XIRP2: variants seen among roughly 807,000 people sequenced by gnomAD.
XIRP2 encodes the protein xin actin-binding repeat-containing protein 2.
Under a neutral mutation model 277.0 loss-of-function variants are expected in XIRP2, and 236 were observed. The observed-to-expected ratio is 0.85, with a 90% CI of 0.77 to 0.95. XIRP2 has a LOEUF of 0.95. XIRP2 is among the 40% of genes least tolerant of loss of function. The probability of loss-of-function intolerance (pLI) is 0.00; values close to 1 mark genes in which losing one functional copy is unlikely to be tolerated. For synonymous variants in XIRP2, 1,490 were observed against 1,416.5 expected (o/e 1.05, Z -1.17); for missense variants, 4,640 against 4,157.5 (o/e 1.12, Z -3.19).
chr2:167,037,515 G>T (rs1015528472), intron 2 of XIRP2, among the ~76,000 whole-genome samples: 5 of 114,160 alleles, frequency 4.4e-5, no homozygotes, highest in African/African-American at 4.3e-5. Context: ...TTTTCATGTG[G>T]GGGGTGTGTG....
intron 2 of XIRP2, among the ~76,000 whole-genome samples, chr2:167,005,145 A>T (rs182476553): frequency 7.2e-4 from 110 of 152,070 alleles, no homozygotes; most frequent in African/African-American, 2.6e-3. Flanking sequence ...AACAAGTTAA[A>T]ACAAATTTCA....
At position 166,973,467 on chromosome 2, in the gene XIRP2, A is replaced by G. The variant is rs56373761; in HGVS notation, c.408+69577A>G. 3.3e-3 allele frequency among the ~76,000 whole-genome samples: 501 copies of G among 152,270 alleles called. 4 individuals are homozygous for G. Among genetic ancestry groups the G allele is most frequent in the African/African-American group, 0.011 (475 of 41,558 alleles). On this transcript the variant is annotated intron_variant, in intron 2 of 10. Transcript: ENST00000409195. ...CTATTCCCTTTTCACAGATGAGTGC[A>G]CTGAAACAAACATAGTTAATATATT...
intron 2 of XIRP2, among the ~76,000 whole-genome samples, chr2:166,978,771 A>G (rs958869528): frequency 2.6e-5 from 4 of 152,146 alleles, no homozygotes; most frequent in Non-Finnish European, 4.4e-5. Flanking sequence ...ACTTGAGCCC[A>G]GAAGTTTGAG....
chr2:167,160,955 A>T (rs1231757908), intron 3 of XIRP2, among the ~76,000 whole-genome samples: 3 of 152,230 alleles, frequency 2.0e-5, no homozygotes. Flanking sequence ...GTATTGGGTA[A>T]ATAACACCAT....
At chr2:166,977,983 A>G (rs1477860721) in intron 2 of XIRP2, among the ~76,000 whole-genome samples, 1 of 152,156 alleles carries the variant, frequency 6.6e-6, no homozygotes. Flanking sequence ...TTACAAGTAT[A>G]AATTTTCCAT....
At chr2:166,902,187 C>T (rs1239150196) in intron 1 of XIRP2, among the ~76,000 whole-genome samples, 1 of 152,078 alleles carries the variant, frequency 6.6e-6, no homozygotes. Context: ...TACATCATTA[C>T]ATCAATTTAG....
At chr2:167,037,229 T>G (rs1315932894) in intron 2 of XIRP2, among the ~76,000 whole-genome samples, 2 of 152,110 alleles carry the variant, frequency 1.3e-5, no homozygotes, top group Non-Finnish European at 2.9e-5. Flanking sequence ...TACAGAAAAT[T>G]TCATACAATG....
At chr2:167,001,380 C>T (rs554845018) in intron 2 of XIRP2, among the ~76,000 whole-genome samples, 1 of 152,166 alleles carries the variant, frequency 6.6e-6, no homozygotes, top group Admixed American at 6.6e-5. Flanking sequence ...AGGATAAACG[C>T]TAGGGATCAT....
intron 9 of XIRP2, 91 bp downstream of exon 9, chr2:167,252,038 G>A (rs1695527076): frequency 1.3e-6 from 2 of 1,482,694 alleles, no homozygotes; most frequent in South Asian, 1.4e-5. Flanking sequence ...AAGAGTGCGT[G>A]GAAACAACCA....
At chr2:167,094,498 T>G (rs1336423603) in intron 2 of XIRP2, among the ~76,000 whole-genome samples, 1 of 152,166 alleles carries the variant, frequency 6.6e-6, no homozygotes, top group African/African-American at 2.4e-5. Flanking sequence ...TTGTATAAGG[T>G]GTAAGGAAGG....
intron 3 of XIRP2, among the ~76,000 whole-genome samples, chr2:167,210,004 T>C (rs1693974737): frequency 6.6e-6 from 1 of 152,160 alleles, no homozygotes. Context: ...TAATTCCTCC[T>C]ACCCTGCCTT....
chr2:166,932,078 A>C (rs542342967), intron 2 of XIRP2, among the ~76,000 whole-genome samples: 1 of 152,172 alleles, frequency 6.6e-6, no homozygotes, highest in South Asian at 2.1e-4. Context: ...CACTTGTTCA[A>C]ATCTTTTGTC....
intron 2 of XIRP2, among the ~76,000 whole-genome samples, chr2:167,025,305 C>G (rs1300986412): frequency 6.6e-6 from 1 of 152,088 alleles, no homozygotes; most frequent in Admixed American, 6.6e-5. Context: ...GTAATATCCC[C>G]TTTATCATTT....
intron 2 of XIRP2, among the ~76,000 whole-genome samples, chr2:167,057,950 T>C (rs1187104738): frequency 6.6e-6 from 1 of 151,984 alleles, no homozygotes; most frequent in Non-Finnish European, 1.5e-5. Flanking sequence ...AAAGAACTTC[T>C]AAGAAGTTTG....
chr2:166,892,044 C>A (rs980226529), intron 1 of XIRP2, among the ~76,000 whole-genome samples: 1 of 152,070 alleles, frequency 6.6e-6, no homozygotes, highest in African/African-American at 2.4e-5. Context: ...TTATTGGGAT[C>A]ATTAACTACT....
chr2:166,939,495 A>G (rs1404227331), intron 2 of XIRP2, among the ~76,000 whole-genome samples: 1 of 151,836 alleles, frequency 6.6e-6, no homozygotes, highest in African/African-American at 2.4e-5. Context: ...CCTGGCTAAC[A>G]CAGTGAAACC....
chr2:167,257,081 A>T (rs1695675851), intron 10 of XIRP2, among the ~76,000 whole-genome samples: 1 of 151,878 alleles, frequency 6.6e-6, no homozygotes, highest in Non-Finnish European at 1.5e-5. Context: ...TTGGCATGTG[A>T]TACTTTCCAG....
intron 2 of XIRP2, among the ~76,000 whole-genome samples, chr2:167,071,289 G>A (rs1404573126): frequency 3.3e-5 from 5 of 152,092 alleles, no homozygotes; most frequent in African/African-American, 9.7e-5. Context: ...GAATGGCAGC[G>A]TTTTACACAG....
At chr2:167,111,477 TA>T (rs1690752527) in intron 2 of XIRP2, among the ~76,000 whole-genome samples, 1 of 152,212 alleles carries the variant, frequency 6.6e-6, no homozygotes, top group Non-Finnish European at 1.5e-5. Flanking sequence ...GAATCACATT[TA>T]TGGATTTGCA....
Sources: gnomAD v4.1 joint callset for allele counts (sites outside exome capture counted in the v4.1 genomes callset) on GRCh38, gnomAD v4.1.1 for gene constraint, MANE v1.5 for transcripts, NCBI Gene and HGNC (gene_info 2026-07-23, HGNC 2026-07-21) for gene names.